Variants in DAB1 observed in about 807,000 individuals in gnomAD.
The protein encoded by DAB1 is disabled homolog 1.
A neutral mutation model predicts 64.6 loss-of-function variants in DAB1; 15 were observed. That is an observed-to-expected ratio of 0.23 (90% CI 0.16 to 0.36). The LOEUF (loss-of-function observed/expected upper bound fraction) is 0.36, where lower values mean the gene tolerates loss of function less well. Ranked by LOEUF, DAB1 falls within the 10% of genes least tolerant of loss-of-function variation. The pLI, the probability that DAB1 is intolerant of heterozygous loss-of-function variation, is 1.00. For missense variants in DAB1, 596 were observed against 706.7 expected, an observed-to-expected ratio of 0.84 and a Z score of 1.78; for synonymous variants, 235 against 251.9, an observed-to-expected ratio of 0.93 and a Z score of 0.64.
intron 6 of DAB1, among the ~76,000 whole-genome samples, chr1:57,759,478 T>C (rs778838817): frequency 3.3e-5 from 5 of 152,202 alleles, no homozygotes; most frequent in Admixed American, 6.5e-5. Context: ...TTTGGCATGA[T>C]GATAGGCTTG....
At chr1:57,324,011 C>T (rs2100773902) in intron 1 of DAB1, among the ~76,000 whole-genome samples, 1 of 152,242 alleles carries the variant, frequency 6.6e-6, no homozygotes, top group East Asian at 1.9e-4. Context: ...AAAAAAGTTA[C>T]ACATGTTTGG....
chr1:58,373,648 C>T (rs1014024193), intron 3 of DAB1, among the ~76,000 whole-genome samples: 22 of 151,526 alleles, frequency 1.5e-4, no homozygotes, highest in African/African-American at 4.8e-4. Flanking sequence ...TTTATAGCCA[C>T]GTGTCTTTAT....
chr1:58,443,596 TTGTAA>T (rs1645035724), intron 3 of DAB1, among the ~76,000 whole-genome samples: 1 of 152,212 alleles, frequency 6.6e-6, no homozygotes, highest in Non-Finnish European at 1.5e-5. Flanking sequence ...AAGTGCACCA[TTGTAA>T]TGTAAGATAT....
chr1:57,659,522 G>A (rs114642040), intron 6 of DAB1, among the ~76,000 whole-genome samples: 240 of 152,226 alleles, frequency 1.6e-3, no homozygotes, highest in African/African-American at 5.1e-3. Flanking sequence ...CATGAATGGT[G>A]TTCTCTACTC....
Position 57,944,803 on chromosome 1 carries a change from T to G in DAB1, n.388-60641A>C, listed in dbSNP as rs550520474. Reference sequence around the variant, plus strand: ...TCTGTACCTGGTCCACTCCTTGGCTTGTTAGAACACCTCATTCATGTGATC... The same window carrying G: ...TCTGTACCTGGTCCACTCCTTGGCTGGTTAGAACACCTCATTCATGTGATC... On this transcript the variant is annotated intron_variant and non_coding_transcript_variant, in intron 5 of 20. Transcript: ENST00000485760. Among the ~76,000 whole-genome samples, 9 of 152,250 alleles carry G rather than the reference T, an allele frequency of 5.9e-5. No individual in the cohort carries two copies. In the East Asian group the frequency reaches 1.4e-3, roughly 23 times the overall value.
intron 8 of DAB1, among the ~76,000 whole-genome samples, chr1:57,065,530 G>T (rs749154983): frequency 6.6e-6 from 1 of 152,128 alleles, no homozygotes; most frequent in South Asian, 2.1e-4. Flanking sequence ...GCAGGTTGGG[G>T]TATTTTATTA....
At chr1:57,949,298 A>G (rs1333752956) in intron 5 of DAB1, among the ~76,000 whole-genome samples, 3 of 152,152 alleles carry the variant, frequency 2.0e-5, no homozygotes, top group Non-Finnish European at 2.9e-5. Flanking sequence ...GTGCTCCTAT[A>G]AGAATCTAAT....
intron 5 of DAB1, among the ~76,000 whole-genome samples, chr1:58,068,462 A>G (rs1335608920): frequency 2.6e-5 from 4 of 152,186 alleles, no homozygotes; most frequent in Non-Finnish European, 5.9e-5. Flanking sequence ...AAGAAAGATT[A>G]TAGGTTAAAA....
chr1:58,150,996 T>C (rs1176816960), intron 4 of DAB1, among the ~76,000 whole-genome samples: 3 of 152,174 alleles, frequency 2.0e-5, no homozygotes, highest in African/African-American at 4.8e-5. Context: ...TCCAGCTTCA[T>C]CCATGTCCCT....
At position 57,360,030 on chromosome 1, in the gene DAB1, C is replaced by G. The variant is rs1679424156; in HGVS notation, c.-137+63900G>C. ...AAATGTTAAGAGATCCACTATACAGCAAGGTGACTATAGTTAATAACAATA... is the reference window on the plus strand; with the variant it reads ...AAATGTTAAGAGATCCACTATACAGGAAGGTGACTATAGTTAATAACAATA... On this transcript the variant is annotated intron_variant, in intron 1 of 14. Coordinates refer to ENST00000371236, the MANE Select transcript of DAB1 (RefSeq NM_001365792.1). Among the ~76,000 whole-genome samples the G allele has an allele frequency of 4.6e-5, 7 of 152,012 alleles. 1 individual carries two copies. Among genetic ancestry groups the G allele is most frequent in the African/African-American group, 1.7e-4 (7 of 41,490 alleles).
chr1:58,048,386 C>T (rs534906513), intron 5 of DAB1: 7 of 920,124 alleles, frequency 7.6e-6, no homozygotes, highest in Non-Finnish European at 1.3e-5. Context: ...AAAACTGCTT[C>T]CACTGCCACT....
chr1:57,512,028 C>A (rs920667492), intron 7 of DAB1, among the ~76,000 whole-genome samples: 36 of 152,182 alleles, frequency 2.4e-4, no homozygotes, highest in Non-Finnish European at 4.4e-5. Context: ...TATACAACCA[C>A]ACTAGGAGAT....
At chr1:57,335,549 A>G (rs984139153) in intron 1 of DAB1, among the ~76,000 whole-genome samples, 4 of 152,322 alleles carry the variant, frequency 2.6e-5, no homozygotes, top group Middle Eastern at 6.8e-3. Context: ...ATTGCCTGCC[A>G]CTGTGTGCCA....
intron 6 of DAB1, among the ~76,000 whole-genome samples, chr1:57,691,082 C>T (rs185660577): frequency 1.3e-5 from 2 of 152,114 alleles, no homozygotes; most frequent in African/African-American, 4.8e-5. Context: ...ATATTTTCTC[C>T]CATTCTATTG....
chr1:57,552,460 C>T (rs960500683), intron 7 of DAB1, among the ~76,000 whole-genome samples: 1 of 152,130 alleles, frequency 6.6e-6, no homozygotes, highest in Non-Finnish European at 1.5e-5. Flanking sequence ...TCTATCAGAA[C>T]AGAATGGATA....
chr1:57,864,003 G>A (rs1228659098), intron 1 of DAB1, among the ~76,000 whole-genome samples: 1 of 152,164 alleles, frequency 6.6e-6, no homozygotes, highest in Non-Finnish European at 1.5e-5. Flanking sequence ...TCCCATTCTA[G>A]TGGAATGAGA....
chr1:57,541,679 A>T (rs749956027), intron 7 of DAB1, among the ~76,000 whole-genome samples: 1 of 152,198 alleles, frequency 6.6e-6, no homozygotes, highest in Non-Finnish European at 1.5e-5. Flanking sequence ...AGACAAGATG[A>T]GGTGATATTT....
chr1:57,643,205 C>T (rs1646152111), intron 7 of DAB1, among the ~76,000 whole-genome samples: 1 of 152,178 alleles, frequency 6.6e-6, no homozygotes, highest in African/African-American at 2.4e-5. Flanking sequence ...TCACAATTGG[C>T]TGCCTATGTT....
chr1:58,051,014 C>T lies in DAB1; in HGVS notation n.387+99497G>A, dbSNP rs374883573. ...CTCCATTTTGTATTGCTATAAAGGA[C>T]GACTTGAGTCTGGGTAATTTATAAA... is the stretch of plus-strand genomic sequence containing the variant. On this transcript the variant is annotated intron_variant and non_coding_transcript_variant, in intron 5 of 20. Coordinates refer to the DAB1 transcript ENST00000485760. Among the ~76,000 whole-genome samples, 375 of 152,126 alleles carry T rather than the reference C, an allele frequency of 2.5e-3. 12 individuals carry two copies. The South Asian group carries it at 0.074, about 30-fold the overall frequency.
Sources: allele counts gnomAD v4.1 joint callset (sites outside exome capture counted in the v4.1 genomes callset), GRCh38; gene constraint gnomAD v4.1.1; transcripts MANE v1.5; gene names NCBI Gene and HGNC (gene_info 2026-07-23, HGNC 2026-07-21).